Variants in VPS13B observed in about 807,000 individuals in gnomAD.
The protein encoded by VPS13B is intermembrane lipid transfer protein VPS13B.
In VPS13B, 285 loss-of-function variants were observed where a neutral mutation model predicts 426.4. The observed-to-expected ratio is 0.67, with a 90% confidence interval of 0.61 to 0.74. The LOEUF is 0.74. Ranked by LOEUF, VPS13B falls within the 30% of genes least tolerant of loss-of-function variation. The probability of loss-of-function intolerance (pLI) is 0.00; values close to 1 mark genes in which losing one functional copy is unlikely to be tolerated. For missense variants in VPS13B, 4,537 were observed against 4,782.6 expected, an observed-to-expected ratio of 0.95 and a Z score of 1.51; for synonymous variants, 1,676 against 1,676.4, an observed-to-expected ratio of 1.00 and a Z score of 0.01.
intron 35 of VPS13B, among the ~76,000 whole-genome samples, chr8:99,698,613 G>A (rs1216471937): frequency 6.6e-6 from 1 of 152,172 alleles, no homozygotes; most frequent in Non-Finnish European, 1.5e-5. Flanking sequence ...TATGTCTTCT[G>A]TTACATCCTC....
intron 5 of VPS13B, among the ~76,000 whole-genome samples, chr8:99,108,602 A>T: frequency 6.6e-6 from 1 of 151,978 alleles, no homozygotes; most frequent in East Asian, 1.9e-4. Context: ...GCATGGATTC[A>T]TTTCTGGGTT....
chr8:99,374,591 T>G (rs565989478), intron 19 of VPS13B, among the ~76,000 whole-genome samples: 1 of 152,160 alleles, frequency 6.6e-6, no homozygotes, highest in Admixed American at 6.5e-5. Context: ...TAGTTTTTAA[T>G]GTAATGTCAA....
chr8:99,311,752 C>T (rs1027409166), intron 19 of VPS13B, among the ~76,000 whole-genome samples: 7 of 152,080 alleles, frequency 4.6e-5, no homozygotes, highest in African/African-American at 1.7e-4. Context: ...ATTGATCTGT[C>T]TAATGTTGAT....
chr8:99,082,243 G>A (rs770886405), intron 3 of VPS13B, among the ~76,000 whole-genome samples: 5 of 152,066 alleles, frequency 3.3e-5, no homozygotes, highest in Non-Finnish European at 7.4e-5. Context: ...TGTGTCTTTT[G>A]GCTGCATAAA....
intron 19 of VPS13B, among the ~76,000 whole-genome samples, chr8:99,301,454 C>T (rs1317421436): frequency 6.6e-6 from 1 of 152,058 alleles, no homozygotes; most frequent in Non-Finnish European, 1.5e-5. Context: ...CCACCACTCC[C>T]AGCTAATTTA....
At chr8:99,287,448 GTTAAT>G (rs1216503152) in intron 19 of VPS13B, among the ~76,000 whole-genome samples, 2 of 151,814 alleles carry the variant, frequency 1.3e-5, no homozygotes, top group African/African-American at 4.8e-5. Context: ...AATTTTAGTA[GTTAAT>G]TTATTCTATT....
At chr8:99,799,861 A>G (rs1176964972) in intron 43 of VPS13B, among the ~76,000 whole-genome samples, 1 of 152,212 alleles carries the variant, frequency 6.6e-6, no homozygotes, top group Non-Finnish European at 1.5e-5. Context: ...TGATTTTCAA[A>G]CAAACAAAAC....
At chr8:99,555,305 G>GTCAAA (rs1824495225) in intron 30 of VPS13B, among the ~76,000 whole-genome samples, 1 of 152,024 alleles carries the variant, frequency 6.6e-6, no homozygotes, top group African/African-American at 2.4e-5. Flanking sequence ...CACCTTCTTA[G>GTCAAA]TCAACCAAGG....
intron 25 of VPS13B, among the ~76,000 whole-genome samples, chr8:99,495,333 G>GT (rs1267864485): frequency 6.6e-6 from 1 of 152,126 alleles, no homozygotes; most frequent in African/African-American, 2.4e-5. Flanking sequence ...TACAATATGA[G>GT]TTTGTATTTT....
chr8:99,399,121 GAAAAT>G (rs1438687215), intron 21 of VPS13B, among the ~76,000 whole-genome samples: 1 of 151,998 alleles, frequency 6.6e-6, no homozygotes, highest in Non-Finnish European at 1.5e-5. Flanking sequence ...GAAAAAGGTT[GAAAAT>G]AAAATAAAGT....
chr8:99,178,763 A>T (rs919469760), intron 16 of VPS13B, among the ~76,000 whole-genome samples: 1 of 152,024 alleles, frequency 6.6e-6, no homozygotes, highest in African/African-American at 2.4e-5. Flanking sequence ...CTGTAATTAC[A>T]GATGTGTGCC....
chr8:99,611,290 C>T (rs866047578), intron 33 of VPS13B, among the ~76,000 whole-genome samples: 5 of 152,128 alleles, frequency 3.3e-5, no homozygotes, highest in Middle Eastern at 3.4e-3. Flanking sequence ...AGATATTTAG[C>T]TGGTTGAAAT....
At position 99,113,091 on chromosome 8, in the gene VPS13B, C is replaced by T. The variant is rs1847458846; in HGVS notation, c.762+1812C>T. The stretch of plus-strand genomic sequence containing the variant: ...TTCCCTCCCCTCTCCTCCGCTTTCT[C>T]TCCTTTTTTCTTTCTCCTTTTTTCT... On this transcript the variant is annotated intron_variant, in intron 6 of 61. Transcript: ENST00000357162. Among the ~76,000 whole-genome samples the T allele has an allele frequency of 2.8e-5, 4 of 141,632 alleles. No individual in the cohort carries two copies. In the South Asian group the frequency reaches 1.1e-3, roughly 37 times the overall value. The allele number at this position is 141,632 out of a possible 152,430, so 92.9% of individuals were successfully genotyped here.
In VPS13B at chr8:99,148,089, T is replaced by A. The variant is rs1450473049; in HGVS notation, c.2013+79T>A. ...TTTTTTTTGTCATTTACTGAAAGAA[T>A]ATCTGCAGCCGGGCACAGTGGCTTG... is the stretch of plus-strand genomic sequence containing the variant. On this transcript the variant is annotated intron_variant, in intron 14 of 61. Transcript: ENST00000357162. 2.8e-6 allele frequency: 4 copies of A among 1,453,634 alleles called. No individual in the cohort carries two copies. In the African/African-American group the frequency reaches 5.7e-5, roughly 21 times the overall value. 90.0% of individuals were successfully genotyped at this position (1,453,634 alleles called of 1,614,324 possible).
At chr8:99,866,341 T>G (rs1817098187) in intron 58 of VPS13B, among the ~76,000 whole-genome samples, 1 of 152,206 alleles carries the variant, frequency 6.6e-6, no homozygotes, top group South Asian at 2.1e-4. Flanking sequence ...TCTTAGCCTC[T>G]CTGTTCTCCA....
intron 23 of VPS13B, among the ~76,000 whole-genome samples, chr8:99,450,839 G>T (rs1225434409): frequency 2.0e-5 from 3 of 151,444 alleles, no homozygotes; most frequent in African/African-American, 7.3e-5. Context: ...TATTAAATTT[G>T]CAATTCTTTG....
intron 33 of VPS13B, among the ~76,000 whole-genome samples, chr8:99,582,113 TG>T (rs989173621): frequency 6.6e-6 from 1 of 151,882 alleles, no homozygotes; most frequent in Non-Finnish European, 1.5e-5. Flanking sequence ...AACAGGACTG[TG>T]GTTGACACAA....
intron 50 of VPS13B, among the ~76,000 whole-genome samples, chr8:99,822,118 A>G (rs1814405814): frequency 6.6e-6 from 1 of 152,244 alleles, no homozygotes; most frequent in South Asian, 2.1e-4. Context: ...GTATGAAAGT[A>G]CAATATCATA....
chr8:99,121,339 T>G lies in VPS13B; in HGVS notation c.1100T>G (p.Val367Gly). 1 of 1,614,186 alleles carries G rather than the reference T, an allele frequency of 6.2e-7. No individual in the cohort carries two copies. Among genetic ancestry groups the G allele is most frequent in the East Asian group, 2.2e-5 (1 of 44,884 alleles). ...TATGACGATGGCGAGGAAGACTTTG[T>G]TGGGAACGATCCTGCATCAACCATG... ...VSYDDGEEDF[V>G]GNDPASTMHQ... Residue 367 changes from valine (V) to glycine (G), a missense_variant, in exon 8 of 62, where the codon GTT becomes GGT. Transcript: ENST00000357162.
Sources: gnomAD v4.1 joint callset for allele counts (sites outside exome capture counted in the v4.1 genomes callset) on GRCh38, gnomAD v4.1.1 for gene constraint, MANE v1.5 for transcripts, NCBI Gene and HGNC (gene_info 2026-07-23, HGNC 2026-07-21) for gene names.